PRDM5: variants seen among roughly 807,000 people sequenced by gnomAD.
PRDM5 encodes the protein PR domain zinc finger protein 5.
A neutral mutation model predicts 81.2 loss-of-function variants in PRDM5; 56 were observed. The observed-to-expected ratio is 0.69, with a 90% CI of 0.56 to 0.86. The LOEUF is 0.86. PRDM5 is among the 40% of genes least tolerant of loss of function. PRDM5 has a pLI of 0.00. For synonymous variants in PRDM5, 267 were observed against 256.4 expected, an observed-to-expected ratio of 1.04 and a Z score of -0.39; for missense variants, 697 against 770.1, an observed-to-expected ratio of 0.91 and a Z score of 1.12.
chr4:120,910,683 A>T (rs551293197), intron 1 of PRDM5, among the ~76,000 whole-genome samples: 63 of 152,300 alleles, frequency 4.1e-4, no homozygotes, highest in African/African-American at 1.5e-3. Context: ...GAATTATATG[A>T]AATTGCCAAT....
chr4:120,741,233 T>C (rs1486628006), intron 14 of PRDM5, among the ~76,000 whole-genome samples: 1 of 152,182 alleles, frequency 6.6e-6, no homozygotes, highest in Non-Finnish European at 1.5e-5. Flanking sequence ...ACGATGCTTC[T>C]GGAGCTAGGA....
chr4:120,817,027 C>T lies in PRDM5; in HGVS notation c.651-103G>A, dbSNP rs237212. On this transcript the variant is annotated intron_variant, in intron 5 of 15. Coordinates refer to ENST00000264808, the MANE Select transcript of PRDM5 (RefSeq NM_018699.4). ...TCTGAATAAAGTCATGTTCGTGATC[C>T]CTTTTTTCATTGTCTTTTGCCTTTT... 0.29 allele frequency: 277,687 copies of T among 960,902 alleles called. 42,314 individuals carry two copies. The highest frequency in any genetic ancestry group is 0.38 in the East Asian group (15,765 of 41,584). 59.5% of individuals were successfully genotyped at this position (960,902 alleles called of 1,614,324 possible).
chr4:120,702,428 T>C (rs1028651960), intron 15 of PRDM5, among the ~76,000 whole-genome samples: 1 of 152,224 alleles, frequency 6.6e-6, no homozygotes, highest in Admixed American at 6.5e-5. Flanking sequence ...TGCCAGGTGA[T>C]GGTTGGTCTC....
chr4:120,912,147 T>C (rs1355825262), intron 1 of PRDM5, among the ~76,000 whole-genome samples: 3 of 152,188 alleles, frequency 2.0e-5, no homozygotes, highest in Non-Finnish European at 4.4e-5. Flanking sequence ...AAAAGGTTGA[T>C]GGTGAAAAAA....
intron 14 of PRDM5, among the ~76,000 whole-genome samples, chr4:120,723,923 A>ATTTTTTTTTTTTTTTTTTTTTTTT (rs70948360): frequency 2.5e-5 from 2 of 81,274 alleles, no homozygotes; most frequent in African/African-American, 1.0e-4. Context: ...GATAGCTTGA[A>ATTTTTTTTTTTTTTTTTTTTTTTT]TTTTTTTTTT....
chr4:120,824,717 A>C (rs572164532), intron 3 of PRDM5, among the ~76,000 whole-genome samples: 53 of 152,276 alleles, frequency 3.5e-4, no homozygotes, highest in African/African-American at 1.2e-3. Context: ...GTAATATCAA[A>C]AAGTCACCAT....
At chr4:120,765,999 G>A (rs1458404854) in intron 13 of PRDM5, among the ~76,000 whole-genome samples, 3 of 139,748 alleles carry the variant, frequency 2.1e-5, no homozygotes, top group East Asian at 2.1e-4. Flanking sequence ...TCACTCTATC[G>A]CCCAGGCTGG....
intron 10 of PRDM5, among the ~76,000 whole-genome samples, chr4:120,788,035 TA>T (rs1205697860): frequency 5.9e-5 from 9 of 152,192 alleles, no homozygotes; most frequent in Non-Finnish European, 2.9e-5. Flanking sequence ...CAATCCCACA[TA>T]CTGTAATTGG....
At chr4:120,814,259 C>T (rs1754211551) in intron 7 of PRDM5, among the ~76,000 whole-genome samples, 1 of 152,108 alleles carries the variant, frequency 6.6e-6, no homozygotes, top group South Asian at 2.1e-4. Context: ...TCTACCAGCT[C>T]CCCTAGGCTC....
At chr4:120,762,291 T>C (rs1745735186) in intron 13 of PRDM5, 1 of 152,200 alleles carries the variant, frequency 6.6e-6, no homozygotes, top group African/African-American at 2.4e-5. Context: ...CTTCTTACTT[T>C]GAGTTTTCTA....
intron 3 of PRDM5, among the ~76,000 whole-genome samples, chr4:120,852,589 C>T (rs969559520): frequency 6.6e-6 from 1 of 151,970 alleles, no homozygotes; most frequent in Non-Finnish European, 1.5e-5. Context: ...TAAACTGGTA[C>T]ATCAGCAATG....
At chr4:120,907,951 C>A (rs1399031486) in intron 1 of PRDM5, among the ~76,000 whole-genome samples, 2 of 152,218 alleles carry the variant, frequency 1.3e-5, no homozygotes, top group Non-Finnish European at 2.9e-5. Context: ...CCATAAAAAT[C>A]ATAAATTCAT....
intron 13 of PRDM5, among the ~76,000 whole-genome samples, chr4:120,776,798 G>C (rs1452483611): frequency 6.6e-6 from 1 of 152,058 alleles, no homozygotes; most frequent in Admixed American, 6.6e-5. Context: ...CAGCATTCAA[G>C]CAACATTCCA....
Position 120,799,722 on chromosome 4 carries a change from T to C in PRDM5, c.969A>G (p.Gln323=), listed in dbSNP as rs755217632. ...HRKIHEIFDC[Q]ECMKKFISAN... is the part of the protein sequence containing the mutation. ...CTGAAATAAATTTCTTCATACATTC[T>C]TGACAATCAAATATCTCATGAATCT... The change falls in exon 9 of 16, where the codon CAA becomes CAG. Residue 323 remains glutamine (Q), a synonymous_variant. Coordinates refer to ENST00000264808, the MANE Select transcript of PRDM5 (RefSeq NM_018699.4). 1.9e-6 allele frequency: 3 copies of C among 1,612,922 alleles called. No individual in the cohort carries two copies. Among genetic ancestry groups the C allele is most frequent in the East Asian group, 2.2e-5 (1 of 44,784 alleles).
At chr4:120,886,627 C>T (rs886645900) in intron 2 of PRDM5, among the ~76,000 whole-genome samples, 14 of 151,998 alleles carry the variant, frequency 9.2e-5, no homozygotes, top group South Asian at 2.1e-4. Flanking sequence ...TTTTTAAGAA[C>T]GCCAATGGTA....
In PRDM5 at chr4:120,821,254, T is replaced by G. The variant is rs886059044; in HGVS notation, c.392A>C (p.Glu131Ala). The G allele has an allele frequency of 1.2e-6, 2 of 1,614,048 alleles. No homozygotes were observed. Among genetic ancestry groups the G allele is most frequent in the Non-Finnish European group, 1.7e-6 (2 of 1,179,910 alleles). Residue 131 changes from glutamate (E) to alanine (A), a missense_variant, in exon 4 of 16, where the codon GAG becomes GCG. Glu to Ala is a moderately radical substitution (Grantham distance 107). This residue lies in a region of PRDM5 where 577 missense variants were observed against 606.7 expected (regional missense o/e 0.95). Coordinates refer to ENST00000264808, the MANE Select transcript of PRDM5 (RefSeq NM_018699.4). ...IGYLDSDMEA[E>A]EEEQQIMTVI... Reference sequence around the variant, plus strand: ...TGTCATAATTTGCTGTTCTTCCTCCTCAGCCTCCATGTCACTATCCAGGTA... The same window carrying G: ...TGTCATAATTTGCTGTTCTTCCTCCGCAGCCTCCATGTCACTATCCAGGTA...
intron 14 of PRDM5, among the ~76,000 whole-genome samples, chr4:120,715,978 T>C (rs777049545): frequency 3.3e-5 from 5 of 152,190 alleles, no homozygotes; most frequent in Non-Finnish European, 5.9e-5. Flanking sequence ...ATCCTAGACA[T>C]TGCTCATACA....
At chr4:120,911,515 A>ATTCTATTCACTG (rs1766504984) in intron 1 of PRDM5, among the ~76,000 whole-genome samples, 1 of 152,240 alleles carries the variant, frequency 6.6e-6, no homozygotes, top group Non-Finnish European at 1.5e-5. Context: ...TCACTGGACT[A>ATTCTATTCACTG]GACAGTAACT....
intron 3 of PRDM5, among the ~76,000 whole-genome samples, chr4:120,835,137 C>T (rs1371842347): frequency 1.3e-5 from 2 of 152,058 alleles, no homozygotes; most frequent in South Asian, 2.1e-4. Flanking sequence ...GCAATTAGGA[C>T]TAAGTATAAC....
Sources: allele counts gnomAD v4.1 joint callset (sites outside exome capture counted in the v4.1 genomes callset), GRCh38; gene constraint gnomAD v4.1.1; regional missense constraint gnomAD v4.1.1; transcripts MANE v1.5; gene names NCBI Gene and HGNC (gene_info 2026-07-23, HGNC 2026-07-21).